BCAS3: variants seen among roughly 807,000 people sequenced by gnomAD.
BCAS3 encodes BCAS4/BCAS3 fusion.
BCAS3 carries 53 observed loss-of-function variants against 116.1 expected under a neutral mutation model. That is an observed-to-expected ratio of 0.46 (90% confidence interval 0.37 to 0.57). BCAS3 has a LOEUF of 0.57. Among genes scored for constraint, BCAS3 ranks in the 20% least tolerant of loss-of-function variants. The probability of loss-of-function intolerance (pLI) is 0.00; values close to 1 mark genes in which losing one functional copy is unlikely to be tolerated. For synonymous variants in BCAS3, 391 were observed against 408.2 expected, an observed-to-expected ratio of 0.96 and a Z score of 0.51; for missense variants, 917 against 1,165.4, an observed-to-expected ratio of 0.79 and a Z score of 3.10.
intron 12 of BCAS3, among the ~76,000 whole-genome samples, chr17:60,916,809 AG>A (rs1567861678): frequency 6.6e-6 from 1 of 152,188 alleles, no homozygotes; most frequent in Non-Finnish European, 1.5e-5. Context: ...ATTTTTGATA[AG>A]GTACCAGTAT....
chr17:60,736,685 T>C (rs1447089661), intron 5 of BCAS3, among the ~76,000 whole-genome samples: 1 of 152,174 alleles, frequency 6.6e-6, no homozygotes, highest in Non-Finnish European at 1.5e-5. Context: ...AATTACTGAG[T>C]CAATTTCTTT....
In BCAS3 at chr17:61,243,558, C is replaced by T. The variant is rs1031469248; in HGVS notation, c.2426-124769C>T. 1.2e-4 allele frequency among the ~76,000 whole-genome samples: 18 copies of T among 151,974 alleles called. No individual in the cohort carries two copies. Among genetic ancestry groups the T allele is most frequent in the African/African-American group, 3.9e-4 (16 of 41,376 alleles). On this transcript the variant is annotated intron_variant, in intron 22 of 23. Coordinates refer to ENST00000407086, the MANE Select transcript of BCAS3 (RefSeq NM_017679.5). The surrounding 1 kb of genome is among the most constrained non-coding windows in gnomAD (Gnocchi z 5.6). ...TTATTTTTAATTTTTTGAGGAATGT[C>T]ATAAGTGTGTCTCAAGAAAATATAA... is the stretch of plus-strand genomic sequence containing the variant.
At chr17:60,955,465 C>T (rs1442936997) in intron 14 of BCAS3, among the ~76,000 whole-genome samples, 1 of 148,784 alleles carries the variant, frequency 6.7e-6, no homozygotes, top group African/African-American at 2.6e-5. Context: ...CAGCTCACTG[C>T]AACCTCCCGA....
At chr17:61,353,953 C>G (rs1195011569) in intron 22 of BCAS3, 2 of 152,304 alleles carry the variant, frequency 1.3e-5, no homozygotes, top group Non-Finnish European at 2.9e-5. Context: ...GGCTGCAAGA[C>G]TAGGACATGA....
chr17:60,974,977 TTTTTGTTTTTTTTGCTTTTTTG>T (rs1376610062), intron 14 of BCAS3, among the ~76,000 whole-genome samples: 1 of 139,556 alleles, frequency 7.2e-6, no homozygotes, highest in African/African-American at 3.4e-5. Context: ...CCATTTGTTT[TTTTTGTTTTTTTTGCTTTTTTG>T]TTTTTTTTTT....
chr17:61,000,611 T>A (rs1203933882), intron 15 of BCAS3, among the ~76,000 whole-genome samples: 4 of 152,184 alleles, frequency 2.6e-5, no homozygotes, highest in Non-Finnish European at 5.9e-5. Context: ...CTGCTGTTAA[T>A]GTGAGAGTCT....
chr17:61,298,708 C>T (rs3826416), intron 22 of BCAS3, among the ~76,000 whole-genome samples: 14,769 of 152,106 alleles, frequency 0.097, 1,125 homozygotes, highest in East Asian at 0.23. Flanking sequence ...CCTTTTCAGT[C>T]ATCCTTCTCA....
At position 61,068,695 on chromosome 17, in the gene BCAS3, C is replaced by G. The variant is rs999432916; in HGVS notation, c.2030-6225C>G. On this transcript the variant is annotated intron_variant, in intron 19 of 23. Transcript: ENST00000407086. The surrounding 1 kb of genome is among the most constrained non-coding windows in gnomAD (Gnocchi z 4.3). ...CATAAGTTTTCACCGCCATTGGTCC[C>G]TAAAACTTCTTCTGGGATTCTGTCG... Among the ~76,000 whole-genome samples, 1 of 152,182 alleles carries G rather than the reference C, an allele frequency of 6.6e-6. No homozygotes were observed. The highest frequency in any genetic ancestry group is 1.5e-5 in the Non-Finnish European group (1 of 68,040).
At chr17:61,176,851 G>T (rs918062097) in intron 22 of BCAS3, among the ~76,000 whole-genome samples, 3 of 152,138 alleles carry the variant, frequency 2.0e-5, no homozygotes, top group African/African-American at 7.2e-5. Context: ...ATGAGCCACC[G>T]CACTCTGGCC....
intron 7 of BCAS3, among the ~76,000 whole-genome samples, chr17:60,854,298 T>C (rs564634430): frequency 6.6e-6 from 1 of 152,320 alleles, no homozygotes; most frequent in African/African-American, 2.4e-5. Flanking sequence ...CAGTCTATCA[T>C]TGATGCACAT....
At chr17:61,385,846 G>A (rs1792106077) in intron 23 of BCAS3, among the ~76,000 whole-genome samples, 1 of 152,182 alleles carries the variant, frequency 6.6e-6, no homozygotes, top group African/African-American at 2.4e-5. Flanking sequence ...GAGGCGAGGA[G>A]GGAAATGAAA....
At position 61,161,603 on chromosome 17, in the gene BCAS3, T is replaced by C. The variant is rs1027135573; in HGVS notation, c.2425+77039T>C. Among the ~76,000 whole-genome samples the C allele has an allele frequency of 5.3e-5, 8 of 152,222 alleles. No homozygotes were observed. Among genetic ancestry groups the C allele is most frequent in the South Asian group, 2.1e-4 (1 of 4,836 alleles). On this transcript the variant is annotated intron_variant, in intron 22 of 23. Transcript: ENST00000407086. The surrounding 1 kb of genome is among the most constrained non-coding windows in gnomAD (Gnocchi z 4.8). The stretch of plus-strand genomic sequence containing the variant: ...GTATACACATTTCTGAATGAAAAGA[T>C]AGACGATGTCTTTATTTTAAACAAT...
chr17:60,840,697 A>G (rs569816454), intron 7 of BCAS3, among the ~76,000 whole-genome samples: 193 of 152,280 alleles, frequency 1.3e-3, no homozygotes, highest in Non-Finnish European at 1.1e-3. Context: ...TGTTTACAAC[A>G]TGTTTGGTAG....
intron 7 of BCAS3, among the ~76,000 whole-genome samples, chr17:60,845,791 T>G (rs1412746170): frequency 1.3e-5 from 2 of 151,590 alleles, no homozygotes; most frequent in Admixed American, 1.3e-4. Flanking sequence ...TTTCCTTTTT[T>G]TTTTTTTCTC....
Position 61,376,932 on chromosome 17 carries a change from C to T in BCAS3, c.2593+8438C>T, listed in dbSNP as rs2059366920. ...CTGTGGTTGGGGCAGGCAGGGTCTC[C>T]ATCGGTATCTGCCAGTTTCTTCCCC... On this transcript the variant is annotated intron_variant, in intron 23 of 23. Coordinates refer to ENST00000407086, the MANE Select transcript of BCAS3 (RefSeq NM_017679.5). This position sits in a 1 kb window ranked among gnomAD's most constrained non-coding sequence, Gnocchi z 4.5. Among the ~76,000 whole-genome samples the T allele has an allele frequency of 6.6e-6, 1 of 152,168 alleles. No individual in the cohort carries two copies. The highest frequency in any genetic ancestry group is 2.4e-5 in the African/African-American group (1 of 41,434).
At position 61,339,315 on chromosome 17, in the gene BCAS3, G is replaced by T. The variant is rs2056968987; in HGVS notation, c.2426-29012G>T. ...GCCAATGAAGAAAGGGTTTTGGTTT[G>T]GTGAGTGCACTGGCTCCCTTGGATC... On this transcript the variant is annotated intron_variant, in intron 22 of 23. Coordinates refer to ENST00000407086, the MANE Select transcript of BCAS3 (RefSeq NM_017679.5). This position sits in a 1 kb window ranked among gnomAD's most constrained non-coding sequence, Gnocchi z 4.4. 1.3e-5 allele frequency among the ~76,000 whole-genome samples: 2 copies of T among 152,192 alleles called. No individual in the cohort carries two copies. Among genetic ancestry groups the T allele is most frequent in the Admixed American group, 1.3e-4 (2 of 15,284 alleles).
At chr17:61,094,826 A>G (rs1321717415) in intron 22 of BCAS3, among the ~76,000 whole-genome samples, 10 of 152,008 alleles carry the variant, frequency 6.6e-5, no homozygotes, top group Admixed American at 5.9e-4. Flanking sequence ...CCTGGGCAAC[A>G]AGAGTGAAAC....
chr17:60,736,564 G>A (rs1382988847), intron 5 of BCAS3, among the ~76,000 whole-genome samples: 1 of 152,050 alleles, frequency 6.6e-6, no homozygotes. Flanking sequence ...ATATGCTTCT[G>A]TCTTCCAAAG....
intron 22 of BCAS3, among the ~76,000 whole-genome samples, chr17:61,342,833 C>T (rs2143253840): frequency 6.6e-6 from 1 of 151,890 alleles, no homozygotes; most frequent in South Asian, 2.1e-4. Flanking sequence ...CTCTGTAACC[C>T]CCGCCTCCTG....
Sources: gnomAD v4.1 joint callset for allele counts (sites outside exome capture counted in the v4.1 genomes callset) on GRCh38, gnomAD v4.1.1 for gene constraint, Gnocchi (gnomAD v3.1) non-coding constraint, MANE v1.5 for transcripts, NCBI Gene and HGNC (gene_info 2026-07-23, HGNC 2026-07-21) for gene names.